The following PRKAG2 variants were observed in gnomAD, a reference collection of about 807,000 sequenced individuals.
The protein encoded by PRKAG2 is 5'-AMP-activated protein kinase subunit gamma-2.
PRKAG2 carries 26 observed loss-of-function variants against 69.6 expected under a neutral mutation model. That is an observed-to-expected ratio of 0.37 (90% CI 0.27 to 0.52). The LOEUF is 0.52. Ranked by LOEUF, PRKAG2 falls within the 20% of genes least tolerant of loss-of-function variation. PRKAG2 has a pLI of 0.90. For synonymous variants in PRKAG2, 293 were observed against 285.0 expected (o/e 1.03, Z -0.28); for missense variants, 557 against 740.0 (o/e 0.75, Z 2.87).
intron 3 of PRKAG2, among the ~76,000 whole-genome samples, chr7:151,690,878 C>G (rs2024266): frequency 1.3e-5 from 2 of 151,972 alleles, no homozygotes; most frequent in African/African-American, 2.4e-5. Context: ...TTCCACTAAG[C>G]GTGAATGGCA....
rs1352438724 is a variant in PRKAG2, at chr7:151,874,011, A to T, written c.114+2496T>A. 3.3e-4 allele frequency among the ~76,000 whole-genome samples: 46 copies of T among 141,250 alleles called. No homozygotes were observed. The South Asian group carries it at 4.5e-3, about 14-fold the overall frequency. The allele number at this position is 141,250 out of a possible 152,430, so 92.7% of individuals were successfully genotyped here. ...TATATGTATATGATGTATATGTATA[A>T]GTATATGTATATGATGTATATGTAT... On this transcript the variant is annotated intron_variant, in intron 1 of 15. Transcript: ENST00000287878.
At chr7:151,681,300 C>A (rs1279644068) in intron 3 of PRKAG2, among the ~76,000 whole-genome samples, 8 of 152,184 alleles carry the variant, frequency 5.3e-5, no homozygotes, top group African/African-American at 1.9e-4. Flanking sequence ...GCCATCTTTC[C>A]AAGTTCAGAA....
intron 3 of PRKAG2, among the ~76,000 whole-genome samples, chr7:151,766,527 G>A (rs2075743344): frequency 6.6e-6 from 1 of 152,216 alleles, no homozygotes; most frequent in African/African-American, 2.4e-5. Flanking sequence ...CCAGGAGAGA[G>A]TAAAAGCAGA....
chr7:151,671,795 G>C (rs1009917465), intron 4 of PRKAG2, among the ~76,000 whole-genome samples: 1 of 152,244 alleles, frequency 6.6e-6, no homozygotes, highest in Non-Finnish European at 1.5e-5. Flanking sequence ...TTGCTGGCCT[G>C]AGGGCTGAAA....
intron 3 of PRKAG2, among the ~76,000 whole-genome samples, chr7:151,767,287 C>A (rs531177859): frequency 1.2e-4 from 18 of 152,232 alleles, no homozygotes; most frequent in African/African-American, 3.9e-4. Context: ...ATAATAAACT[C>A]CCGTTTTGTT....
rs570411437 is a variant in PRKAG2, at chr7:151,780,296, G to A, written c.466+856C>T. Among the ~76,000 whole-genome samples, 71 of 152,300 alleles carry A rather than the reference G, an allele frequency of 4.7e-4. No homozygotes were observed. Among genetic ancestry groups the A allele is most frequent in the Middle Eastern group, 3.4e-3 (1 of 294 alleles). ...CCGCCTGGCCTTGCAGATATAAAGC[G>A]TTGCTCTAACACACAGTATTGCCAG... On this transcript the variant is annotated intron_variant, in intron 3 of 15. Transcript: ENST00000287878. This position sits in a 1 kb window ranked among gnomAD's most constrained non-coding sequence, Gnocchi z 4.2.
In PRKAG2 at chr7:151,576,288, CAA is replaced by C. The variant is rs1808904927; in HGVS notation, c.946+81_946+82del. The C allele has an allele frequency of 3.2e-6, 4 of 1,258,454 alleles. No homozygotes were observed. The South Asian group carries it at 5.1e-5, about 16-fold the overall frequency. 78.0% of individuals were successfully genotyped at this position (1,258,454 alleles called of 1,614,324 possible). ...GAAACATGTTTACTAGGTTGAATTC[CAA>C]ACCGGCATCTATTAAAATACTTTAG... On this transcript the variant is annotated intron_variant, in intron 7 of 15. Coordinates refer to ENST00000287878, the MANE Select transcript of PRKAG2 (RefSeq NM_016203.4).
At chr7:151,875,349 T>C (rs919575843) in intron 1 of PRKAG2, among the ~76,000 whole-genome samples, 6 of 152,166 alleles carry the variant, frequency 3.9e-5, no homozygotes, top group South Asian at 4.1e-4. Context: ...AGGAGGACCT[T>C]AGCGGGGCGT....
At chr7:151,595,305 A>AC (rs766256516) in intron 6 of PRKAG2, 40 bp downstream of exon 6, 2 of 1,440,020 alleles carry the variant, frequency 1.4e-6, no homozygotes, top group Non-Finnish European at 1.9e-6. Context: ...GTAGCCATCC[A>AC]AAAAATACCA....
chr7:151,730,667 G>A (rs1200783084), intron 3 of PRKAG2, among the ~76,000 whole-genome samples: 1 of 152,164 alleles, frequency 6.6e-6, no homozygotes, highest in African/African-American at 2.4e-5. Flanking sequence ...AGGAGGAGCA[G>A]GGGGGCTGGA....
At position 151,734,845 on chromosome 7, in the gene PRKAG2, ATTCT is replaced by A. The variant is rs1455921703; in HGVS notation, c.466+46303_466+46306del. ...GGATTATAGGCCCAGCCTAAATCTG[ATTCT>A]TTTTTTTTTTTTTTTTTTTTTTTGA... On this transcript the variant is annotated intron_variant, in intron 3 of 15. Transcript: ENST00000287878. 2.5e-3 allele frequency among the ~76,000 whole-genome samples: 313 copies of A among 122,948 alleles called. 1 individual carries two copies. Among genetic ancestry groups the A allele is most frequent in the African/African-American group, 0.01 (296 of 29,394 alleles). 80.7% of individuals were successfully genotyped at this position (122,948 alleles called of 152,430 possible). A position where few individuals can be genotyped will look rare whatever the true frequency, so the allele number is the denominator to read the frequency against.
intron 4 of PRKAG2, among the ~76,000 whole-genome samples, chr7:151,652,474 T>C (rs1389006097): frequency 1.3e-5 from 2 of 152,184 alleles, no homozygotes; most frequent in Non-Finnish European, 2.9e-5. Context: ...TTCAGATAAA[T>C]TAATATTTAA....
rs1805733917 is a variant in PRKAG2, at chr7:151,564,313, TA to T, written c.1438-90del. 3 of 1,427,018 alleles carry T rather than the reference TA, an allele frequency of 2.1e-6. No homozygotes were observed. The South Asian group carries it at 3.5e-5, about 17-fold the overall frequency. 88.4% of individuals were successfully genotyped at this position (1,427,018 alleles called of 1,614,324 possible). A position where few individuals can be genotyped will look rare whatever the true frequency, so the allele number is the denominator to read the frequency against. On this transcript the variant is annotated intron_variant, in intron 13 of 15. Transcript: ENST00000287878. ...AGTGAGCTTAAGAGAGCCTGATTTC[TA>T]AAAACTTTAATGCTTATCTGAATTT...
chr7:151,735,241 G>A (rs1799586760), intron 3 of PRKAG2, among the ~76,000 whole-genome samples: 1 of 152,072 alleles, frequency 6.6e-6, no homozygotes, highest in Admixed American at 6.6e-5. Flanking sequence ...CTTTGGAATC[G>A]ACCTGTGTGG....
chr7:151,662,953 C>G (rs1830532562), intron 4 of PRKAG2, among the ~76,000 whole-genome samples: 1 of 152,076 alleles, frequency 6.6e-6, no homozygotes, highest in East Asian at 1.9e-4. Flanking sequence ...CACTTGTAAT[C>G]CCTTTGGATT....
chr7:151,866,038 A>AGGG (rs2080069386), intron 1 of PRKAG2, among the ~76,000 whole-genome samples: 1 of 150,330 alleles, frequency 6.7e-6, no homozygotes, highest in Non-Finnish European at 1.5e-5. Context: ...AAAAAAAAGA[A>AGGG]AAAGAAAAGA....
chr7:151,681,590 T>A (rs1585726188), intron 3 of PRKAG2, among the ~76,000 whole-genome samples: 1 of 152,074 alleles, frequency 6.6e-6, no homozygotes, highest in South Asian at 2.1e-4. Flanking sequence ...ACACTTTTTT[T>A]TTGTTTTTTG....
chr7:151,596,482 C>T (rs1460966238), intron 5 of PRKAG2, among the ~76,000 whole-genome samples: 1 of 152,160 alleles, frequency 6.6e-6, no homozygotes, highest in Non-Finnish European at 1.5e-5. Context: ...GGTGTGGTAG[C>T]ACGCGCCTGT....
At chr7:151,750,389 T>A (rs898370071) in intron 3 of PRKAG2, among the ~76,000 whole-genome samples, 2 of 151,884 alleles carry the variant, frequency 1.3e-5, no homozygotes, top group African/African-American at 4.8e-5. Flanking sequence ...CAGAATGGAG[T>A]CTATTCTACA....
Sources: allele counts gnomAD v4.1 joint callset (sites outside exome capture counted in the v4.1 genomes callset), GRCh38; gene constraint gnomAD v4.1.1; non-coding constraint Gnocchi (gnomAD v3.1); transcripts MANE v1.5; gene names NCBI Gene and HGNC (gene_info 2026-07-23, HGNC 2026-07-21).